CD55: variants seen among roughly 807,000 people sequenced by gnomAD.
The protein encoded by CD55 is complement decay-accelerating factor.
In CD55, 41 loss-of-function variants were observed where a neutral mutation model predicts 45.8. That is an observed-to-expected ratio of 0.90 (90% CI 0.70 to 1.16). The LOEUF is 1.16. CD55 is among the 50% of genes most tolerant of loss of function. The probability of loss-of-function intolerance (pLI) is 0.00; values close to 1 mark genes in which losing one functional copy is unlikely to be tolerated. For synonymous variants in CD55, 181 were observed against 181.1 expected, an observed-to-expected ratio of 1.00 and a Z score of 0.01; for missense variants, 416 against 469.8, an observed-to-expected ratio of 0.89 and a Z score of 1.06.
rs368868222 is a variant in CD55 at position 207,355,437 on chromosome 1, A to G, written c.1082-4109A>G. Among the ~76,000 whole-genome samples, 95 of 152,320 alleles carry G rather than the reference A, an allele frequency of 6.2e-4. 4 individuals are homozygous for G. The South Asian group carries it at 0.019, about 30-fold the overall frequency. On this transcript the variant is annotated intron_variant, in intron 9 of 9. Transcript: ENST00000367064. The stretch of plus-strand genomic sequence containing the variant: ...AAGAAAGATTGTGTAAGCTATAAAA[A>G]TGATTTGATGTTGATCAACTTATTT...
intron 1 of CD55, 117 bp from the exon 2 acceptor site, chr1:207,322,265 C>A: frequency 4.6e-6 from 4 of 878,768 alleles, no homozygotes; most frequent in African/African-American, 1.6e-5. Flanking sequence ...CACGATGCTG[C>A]AAACTTGCAT....
intron 5 of CD55, among the ~76,000 whole-genome samples, chr1:207,329,189 A>C (rs6700168): frequency 0.69 from 105,226 of 152,070 alleles, 36,877 homozygotes; most frequent in Middle Eastern, 0.83. Context: ...GGAATGGAGG[A>C]GAAGTCGTAG....
intron 9 of CD55, among the ~76,000 whole-genome samples, chr1:207,356,827 C>G (rs1368901357): frequency 6.6e-6 from 1 of 152,110 alleles, no homozygotes; most frequent in Non-Finnish European, 1.5e-5. Context: ...GTATAAATGT[C>G]ACGATTGGCT....
chr1:207,345,025 C>G (rs916620967), intron 9 of CD55, among the ~76,000 whole-genome samples: 1 of 152,122 alleles, frequency 6.6e-6, no homozygotes, highest in African/African-American at 2.4e-5. Flanking sequence ...CAGAGAAGAC[C>G]TTTTTAAATT....
At position 207,322,373 on chromosome 1, in the gene CD55, T is replaced by G. The variant is rs1199292015; in HGVS notation, c.101-9T>G. On this transcript the variant is annotated splice_polypyrimidine_tract_variant and intron_variant, in intron 1 of 9. Transcript: ENST00000367064. ...GTCATTTCCTTCAGTTCTGCTTTTG[T>G]CTCCCTAGGTGACTGTGGCCTTCCC... The G allele has an allele frequency of 6.2e-7, 1 of 1,613,176 alleles. No individual in the cohort carries two copies. The highest frequency in any genetic ancestry group is 2.2e-5 in the East Asian group (1 of 44,874).
chr1:207,328,026 A>T (rs918294238), intron 5 of CD55, among the ~76,000 whole-genome samples: 1 of 152,240 alleles, frequency 6.6e-6, no homozygotes, highest in African/African-American at 2.4e-5. Flanking sequence ...CCCAGGCAAC[A>T]TGTCACAAAG....
chr1:207,346,883 G>A (rs560222677), intron 9 of CD55, among the ~76,000 whole-genome samples: 28 of 152,252 alleles, frequency 1.8e-4, no homozygotes, highest in South Asian at 1.7e-3. Context: ...TAGAGCCTAC[G>A]AGAATCAAGG....
At chr1:207,326,273 T>C (rs1458045950) in intron 4 of CD55, among the ~76,000 whole-genome samples, 1 of 152,234 alleles carries the variant, frequency 6.6e-6, no homozygotes, top group Non-Finnish European at 1.5e-5. Context: ...AATTAAATAA[T>C]TCTATTTTAC....
At position 207,360,492 on chromosome 1, in the gene CD55, AT is replaced by A. The variant is rs1656256917; in HGVS notation, c.*888del. 1 of 152,134 alleles carries A rather than the reference AT, an allele frequency of 6.6e-6. No homozygotes were observed. Among genetic ancestry groups the A allele is most frequent in the Non-Finnish European group, 1.5e-5 (1 of 67,990 alleles). 9.4% of individuals were successfully genotyped at this position (152,134 alleles called of 1,614,324 possible). On this transcript the variant is annotated 3_prime_UTR_variant, in exon 10 of 10. Transcript: ENST00000367064. The stretch of plus-strand genomic sequence containing the variant: ...TTCCTAAATAGAAATAAATGATCCC[AT>A]TTTTTGGTATCATGTAGTATGTGAA...
At chr1:207,352,366 A>G (rs966004771) in intron 9 of CD55, among the ~76,000 whole-genome samples, 1 of 152,048 alleles carries the variant, frequency 6.6e-6, no homozygotes, top group African/African-American at 2.4e-5. Context: ...TCACATATAT[A>G]TCTGCACTCT....
chr1:207,337,635 A>T (rs1388339497), intron 8 of CD55: 4 of 383,688 alleles, frequency 1.0e-5, no homozygotes, highest in African/African-American at 4.2e-5. Context: ...TGGCCCCATT[A>T]AAAAAATGCT....
In CD55 at chr1:207,338,820, CTGAG is replaced by C. The variant is rs757432436; in HGVS notation, c.1061-575_1061-572del. 2.6e-5 allele frequency among the ~76,000 whole-genome samples: 4 copies of C among 152,120 alleles called. No individual in the cohort carries two copies. In the East Asian group the frequency reaches 5.8e-4, roughly 22 times the overall value. Reference sequence around the variant, plus strand: ...ACAGTTTAATCCTGCACTTTTTCTGCTGAGTAATATTGCTTGTTCTAAATGGCAC... The same window carrying C: ...ACAGTTTAATCCTGCACTTTTTCTGCTAATATTGCTTGTTCTAAATGGCAC... On this transcript the variant is annotated intron_variant, in intron 8 of 9. Transcript: ENST00000367064.
At chr1:207,348,795 C>T (rs1277987981) in intron 9 of CD55, among the ~76,000 whole-genome samples, 1 of 152,020 alleles carries the variant, frequency 6.6e-6, no homozygotes, top group East Asian at 1.9e-4. Flanking sequence ...TATGGCTAGC[C>T]AGTTATAGCA....
intron 2 of CD55, 117 bp downstream of exon 2, chr1:207,322,684 G>A (rs1654478241): frequency 9.2e-6 from 8 of 869,610 alleles, no homozygotes; most frequent in Non-Finnish European, 1.2e-5. Flanking sequence ...AAACCCCAGG[G>A]TATACCCTGT....
intron 9 of CD55, among the ~76,000 whole-genome samples, chr1:207,352,718 A>G (rs1007805955): frequency 6.6e-6 from 1 of 152,212 alleles, no homozygotes; most frequent in African/African-American, 2.4e-5. Context: ...TTGAATAAAT[A>G]TTAGCTTAAG....
chr1:207,329,993 C>A (rs28371664), intron 5 of CD55, among the ~76,000 whole-genome samples: 22 of 151,716 alleles, frequency 1.5e-4, no homozygotes, highest in Non-Finnish European at 2.4e-4. Context: ...CTGGCTACTT[C>A]GGGATGACCC....
At chr1:207,345,962 G>A (rs1655618563) in intron 9 of CD55, among the ~76,000 whole-genome samples, 1 of 152,258 alleles carries the variant, frequency 6.6e-6, no homozygotes, top group East Asian at 1.9e-4. Flanking sequence ...GCAGTGGTGG[G>A]CTGAGTTTGC....
At position 207,348,124 on chromosome 1, in the gene CD55, A is replaced by C. The variant is rs1009922092; in HGVS notation, c.1081+8707A>C. ...ATTGCTAGGTCACATGGTGGTTCTA[A>C]GTTCTTTGAGAAATCTCCAAACTGC... On this transcript the variant is annotated intron_variant, in intron 9 of 9. Coordinates refer to ENST00000367064, the MANE Select transcript of CD55 (RefSeq NM_000574.5). Among the ~76,000 whole-genome samples, 7 of 152,200 alleles carry C rather than the reference A, an allele frequency of 4.6e-5. No individual in the cohort carries two copies. In the South Asian group the frequency reaches 1.0e-3, roughly 23 times the overall value.
chr1:207,322,957 C>G (rs926388779), intron 2 of CD55, among the ~76,000 whole-genome samples: 1 of 152,056 alleles, frequency 6.6e-6, no homozygotes, highest in Non-Finnish European at 1.5e-5. Context: ...TTTAAAAGCT[C>G]TCAATATTTA....
Sources: allele counts gnomAD v4.1 joint callset (sites outside exome capture counted in the v4.1 genomes callset), GRCh38; gene constraint gnomAD v4.1.1; transcripts MANE v1.5; gene names NCBI Gene and HGNC (gene_info 2026-07-23, HGNC 2026-07-21).